The following CTNNA1 variants were observed in gnomAD, a reference collection of about 807,000 sequenced individuals.
CTNNA1 encodes catenin alpha-1.
Under a neutral mutation model 98.4 loss-of-function variants are expected in CTNNA1, and 37 were observed. The ratio of observed to expected loss-of-function variants is 0.38; its 90% CI spans 0.29 to 0.49. The LOEUF (loss-of-function observed/expected upper bound fraction) is 0.49. CTNNA1 is among the 20% of genes least tolerant of loss of function. CTNNA1 has a pLI of 0.95. For missense variants in CTNNA1, 761 were observed against 1,147.2 expected, an observed-to-expected ratio of 0.66 and a Z score of 4.86; for synonymous variants, 404 against 413.2, an observed-to-expected ratio of 0.98 and a Z score of 0.27.
chr5:138,827,218 G>A (rs1482344636), intron 6 of CTNNA1, among the ~76,000 whole-genome samples: 2 of 152,050 alleles, frequency 1.3e-5, no homozygotes, highest in East Asian at 3.8e-4. Context: ...TCTTATACGG[G>A]TTTACCTTTA....
chr5:138,767,342 C>T (rs947826634), intron 1 of CTNNA1, among the ~76,000 whole-genome samples: 1 of 152,126 alleles, frequency 6.6e-6, no homozygotes, highest in Non-Finnish European at 1.5e-5. Context: ...GGCTGAATTT[C>T]TTAGCTTTTC....
chr5:138,839,969 ACTT>A (rs1762135147), intron 7 of CTNNA1, among the ~76,000 whole-genome samples: 1 of 152,210 alleles, frequency 6.6e-6, no homozygotes, highest in Non-Finnish European at 1.5e-5. Context: ...ATAGAATAGA[ACTT>A]GTTAAAGCTT....
chr5:138,925,485 A>T, intron 13 of CTNNA1, 78 bp downstream of exon 13: 1 of 1,545,634 alleles, frequency 6.5e-7, no homozygotes, highest in South Asian at 1.2e-5. Context: ...TCATTCTAGA[A>T]CTCGGCAGAT....
chr5:138,902,407 C>T (rs1758232392), intron 9 of CTNNA1, among the ~76,000 whole-genome samples: 1 of 152,160 alleles, frequency 6.6e-6, no homozygotes, highest in African/African-American at 2.4e-5. Context: ...GGGCACCTCA[C>T]CAGGGATCTT....
chr5:138,891,116 A>G (rs887270436), intron 9 of CTNNA1: 2 of 152,054 alleles, frequency 1.3e-5, no homozygotes, highest in South Asian at 2.1e-4. Context: ...ATTGGGTGCT[A>G]TTTGCTTTGA....
intron 13 of CTNNA1, 92 bp downstream of exon 13, chr5:138,925,499 G>A (rs1763823798): frequency 2.0e-6 from 3 of 1,478,948 alleles, no homozygotes; most frequent in Non-Finnish European, 2.7e-6. Context: ...GGCAGATGCG[G>A]TGGCAGTATA....
chr5:138,773,725 T>C (rs530879800), intron 1 of CTNNA1, among the ~76,000 whole-genome samples: 63 of 152,104 alleles, frequency 4.1e-4, no homozygotes, highest in Admixed American at 6.5e-4. Flanking sequence ...TTTTTTTTTT[T>C]TTTTAGACAG....
chr5:138,922,904 A>G (rs1399946203), intron 11 of CTNNA1, among the ~76,000 whole-genome samples: 1 of 151,432 alleles, frequency 6.6e-6, no homozygotes, highest in Non-Finnish European at 1.5e-5. Context: ...GGCGGCCAGG[A>G]TGAATTCAAG....
At chr5:138,867,938 G>A (rs1180833963) in intron 7 of CTNNA1, among the ~76,000 whole-genome samples, 1 of 151,876 alleles carries the variant, frequency 6.6e-6, no homozygotes, top group Non-Finnish European at 1.5e-5. Context: ...TTTTAGTAGA[G>A]ACAGGGTTTC....
At chr5:138,916,693 T>C (rs1343748983) in intron 10 of CTNNA1, among the ~76,000 whole-genome samples, 1 of 152,058 alleles carries the variant, frequency 6.6e-6, no homozygotes, top group Non-Finnish European at 1.5e-5. Flanking sequence ...CAGCTCATTT[T>C]CTTTATTGTT....
At chr5:138,894,289 T>C (rs1443634819) in intron 9 of CTNNA1, among the ~76,000 whole-genome samples, 15 of 149,536 alleles carry the variant, frequency 1.0e-4, no homozygotes, top group Admixed American at 2.0e-4. Context: ...CTCTTTTTTT[T>C]TTTTTTTTTT....
At chr5:138,850,011 CTCTCT>C (rs1292831523) in intron 7 of CTNNA1, among the ~76,000 whole-genome samples, 5 of 152,146 alleles carry the variant, frequency 3.3e-5, no homozygotes, top group South Asian at 2.1e-4. Flanking sequence ...CACACACTCT[CTCTCT>C]TAAGATTTTT....
chr5:138,875,479 CCT>C, intron 7 of CTNNA1: 1 of 985,388 alleles, frequency 1.0e-6, no homozygotes, highest in Non-Finnish European at 1.2e-6. Flanking sequence ...TGCAGGACCC[CCT>C]GATTACAATA....
intron 5 of CTNNA1, among the ~76,000 whole-genome samples, chr5:138,813,439 C>G (rs1581124177): frequency 6.6e-6 from 1 of 152,242 alleles, no homozygotes; most frequent in East Asian, 1.9e-4. Flanking sequence ...CAGAATAATC[C>G]AGATCCACCT....
At chr5:138,835,047 G>A (rs1208505549) in intron 7 of CTNNA1, among the ~76,000 whole-genome samples, 3 of 152,122 alleles carry the variant, frequency 2.0e-5, no homozygotes, top group Non-Finnish European at 4.4e-5. Flanking sequence ...ATATTACAAA[G>A]TACTTTCTCA....
chr5:138,829,353 G>C (rs1232507538), intron 7 of CTNNA1, among the ~76,000 whole-genome samples: 1 of 152,154 alleles, frequency 6.6e-6, no homozygotes, highest in African/African-American at 2.4e-5. Flanking sequence ...ATGGTAAGTG[G>C]ATCAGTCATC....
At chr5:138,904,591 T>G in intron 10 of CTNNA1, 150 bp downstream of exon 10, 1 of 1,030,950 alleles carries the variant, frequency 9.7e-7, no homozygotes, top group Non-Finnish European at 1.4e-6. Flanking sequence ...CCACATAGTT[T>G]GGAATATTTT....
At chr5:138,865,212 T>C (rs1764647710) in intron 7 of CTNNA1, among the ~76,000 whole-genome samples, 1 of 152,188 alleles carries the variant, frequency 6.6e-6, no homozygotes, top group African/African-American at 2.4e-5. Context: ...GGAGCCCTGT[T>C]GTCTGGTCCC....
chr5:138,906,235 C>T (rs944270737), intron 10 of CTNNA1, among the ~76,000 whole-genome samples: 1 of 152,242 alleles, frequency 6.6e-6, no homozygotes, highest in African/African-American at 2.4e-5. Flanking sequence ...ATCTGATAGA[C>T]ATTTTCCCAG....
Sources: gnomAD v4.1 joint callset for allele counts (sites outside exome capture counted in the v4.1 genomes callset) on GRCh38, gnomAD v4.1.1 for gene constraint, MANE v1.5 for transcripts, NCBI Gene and HGNC (gene_info 2026-07-23, HGNC 2026-07-21) for gene names.